C4orf50: variants seen among roughly 807,000 people sequenced by gnomAD.
The protein encoded by C4orf50 is chromosome 4 open reading frame 50.
C4orf50 carries 80 observed loss-of-function variants against 77.2 expected under a neutral mutation model. The ratio of observed to expected loss-of-function variants is 1.04; its 90% CI spans 0.87 to 1.25. C4orf50 has a LOEUF of 1.25. Among genes scored for constraint, C4orf50 ranks in the 50% most tolerant of loss-of-function variants. The probability of loss-of-function intolerance (pLI) is 0.00; values close to 1 mark genes in which losing one functional copy is unlikely to be tolerated. For missense variants in C4orf50, 1,257 were observed against 1,152.9 expected (o/e 1.09, Z -1.31); for synonymous variants, 532 against 465.3 (o/e 1.14, Z -1.84).
chr4:5,905,766 C>A lies in C4orf50; in HGVS notation c.*2475-7578G>T, dbSNP rs1716521570. 6.6e-6 allele frequency among the ~76,000 whole-genome samples: 1 copy of A among 152,182 alleles called. No homozygotes were observed. The highest frequency in any genetic ancestry group is 2.4e-5 in the African/African-American group (1 of 41,444). ...AGAGAGGGTTTCTAGCTTTCAGGAG[C>A]CTCTCAAAGGGGCCAATGGCCAAAA... On this transcript the variant is annotated intron_variant, in intron 7 of 7. Coordinates refer to the C4orf50 transcript ENST00000324058. This position sits in a 1 kb window ranked among gnomAD's most constrained non-coding sequence, Gnocchi z 5.4.
intron 31 of C4orf50, among the ~76,000 whole-genome samples, chr4:5,971,507 C>A (rs1034726670): frequency 6.6e-6 from 1 of 152,124 alleles, no homozygotes; most frequent in Non-Finnish European, 1.5e-5. Context: ...TTTCAAAAGG[C>A]CTGGCAGGGA....
downstream of C4orf50, among the ~76,000 whole-genome samples, chr4:5,955,175 G>A (rs1718898590): frequency 3.3e-5 from 5 of 152,098 alleles, no homozygotes; most frequent in Admixed American, 1.3e-4. This position sits in a 1 kb window ranked among gnomAD's most constrained non-coding sequence, Gnocchi z 5.1. Context: ...AAGCAGTGGC[G>A]GCACTTCCAT....
intron 31 of C4orf50, among the ~76,000 whole-genome samples, chr4:5,973,156 C>T (rs566358897): frequency 5.9e-5 from 9 of 152,320 alleles, no homozygotes; most frequent in South Asian, 4.1e-4. Flanking sequence ...CAGGAGAGCT[C>T]CCTGCTCATG....
chr4:6,005,396 C>T (rs1046540052), intron 25 of C4orf50, among the ~76,000 whole-genome samples: 1 of 150,460 alleles, frequency 6.6e-6, no homozygotes, highest in Non-Finnish European at 1.5e-5. Flanking sequence ...TAAGAGGAAG[C>T]ATGAAACCTT....
chr4:5,979,949 G>GTGCATTTT (rs1720481653), intron 29 of C4orf50, among the ~76,000 whole-genome samples: 1 of 152,066 alleles, frequency 6.6e-6, no homozygotes, highest in African/African-American at 2.4e-5. Context: ...ACTTTTTAAA[G>GTGCATTTT]AAACCACATA....
chr4:5,906,872 C>G (rs1432184546), intron 7 of C4orf50, among the ~76,000 whole-genome samples: 4 of 152,120 alleles, frequency 2.6e-5, no homozygotes, highest in African/African-American at 4.8e-5. Flanking sequence ...GATTTAAATC[C>G]TTGAAGCTTA....
rs1343409145 is a variant in C4orf50, at chr4:5,989,804, C to A, written c.2242G>T (p.Glu748Ter). Residue 748 changes from glutamate (E) to a stop codon, truncating the protein, a stop_gained, in exon 28 of 34, where the codon GAG (glutamate) becomes TAG (stop). Coordinates refer to ENST00000531445, the Ensembl canonical transcript of C4orf50. LOFTEE classifies it high-confidence loss of function. ...CTCTCATGTTCCTGGGAGTCAGGCT[C>A]CTCGGGGGCACCCCTGCACCCCAGA... 6.6e-7 allele frequency: 1 copy of A among 1,506,928 alleles called. No individual in the cohort carries two copies. The highest frequency in any genetic ancestry group is 1.3e-5 in the South Asian group (1 of 78,582). The allele number at this position is 1,506,928 out of a possible 1,614,324, so 93.3% of individuals were successfully genotyped here. A position where few individuals can be genotyped will look rare whatever the true frequency, so the allele number is the denominator to read the frequency against.
Position 5,916,821 on chromosome 4 carries a change from C to T in C4orf50, c.*2475-18633G>A, listed in dbSNP as rs114460935. Among the ~76,000 whole-genome samples the T allele has an allele frequency of 7.4e-3, 1,127 of 152,226 alleles. 10 individuals carry two copies. Among genetic ancestry groups the T allele is most frequent in the African/African-American group, 0.026 (1,070 of 41,530 alleles). ...TCTTCTGCTTAGAGGACAGGAGCCT[C>T]TGCTTGAGGTGGGCACAAGCAGAGT... On this transcript the variant is annotated intron_variant, in intron 7 of 7. Coordinates refer to the C4orf50 transcript ENST00000324058. This position sits in a 1 kb window ranked among gnomAD's most constrained non-coding sequence, Gnocchi z 4.4.
intron 25 of C4orf50, among the ~76,000 whole-genome samples, chr4:6,004,010 G>T: frequency 6.9e-6 from 1 of 145,554 alleles, no homozygotes; most frequent in Non-Finnish European, 1.5e-5. Flanking sequence ...TGATGGTGAT[G>T]ATGTGATGGT....
intron 32 of C4orf50, 95 bp downstream of exon 10, chr4:5,967,319 T>G: frequency 2.1e-6 from 2 of 939,596 alleles, no homozygotes; most frequent in Non-Finnish European, 3.5e-6. Context: ...AATGCGACAG[T>G]GGGCATCTCC....
At chr4:5,986,052 T>C (rs927698525) in intron 28 of C4orf50, among the ~76,000 whole-genome samples, 17 of 152,138 alleles carry the variant, frequency 1.1e-4, no homozygotes, top group African/African-American at 3.9e-4. Context: ...AATACACAAA[T>C]GCACACTCAG....
In C4orf50 at chr4:5,975,495, TTTTTGTTTTGTTTTG is replaced by T. The variant is rs61144018; in HGVS notation, c.3921+389_3921+403del. Among the ~76,000 whole-genome samples, 1,050 of 149,774 alleles carry T rather than the reference TTTTTGTTTTGTTTTG, an allele frequency of 7.0e-3. 9 individuals are homozygous for T. The highest frequency in any genetic ancestry group is 0.024 in the African/African-American group (973 of 40,568). ...GTCTCCTTCATTCTTCTTTGCGGTTTTTTTGTTTTGTTTTGTTTTGTTTTGTTTTGTTTTGAGTCA... is the reference window on the plus strand; with the variant it reads ...GTCTCCTTCATTCTTCTTTGCGGTTTTTTTGTTTTGTTTTGTTTTGAGTCA... On this transcript the variant is annotated intron_variant, in intron 30 of 33. Transcript: ENST00000531445.
chr4:5,942,280 G>A (rs964975049), intron 7 of C4orf50, among the ~76,000 whole-genome samples: 1 of 152,202 alleles, frequency 6.6e-6, no homozygotes, highest in Non-Finnish European at 1.5e-5. Context: ...CTAAGATCAG[G>A]AGCAGGGTGG....
intron 28 of C4orf50, among the ~76,000 whole-genome samples, chr4:5,985,243 AG>A (rs1335967788): frequency 2.6e-5 from 4 of 152,192 alleles, no homozygotes; most frequent in Non-Finnish European, 5.9e-5. Flanking sequence ...CACAGTTCTT[AG>A]GGCAAAAGGA....
downstream of C4orf50, among the ~76,000 whole-genome samples, chr4:5,954,528 G>A (rs755312078): frequency 3.9e-5 from 6 of 152,124 alleles, no homozygotes; most frequent in Admixed American, 6.5e-5. This position sits in a 1 kb window ranked among gnomAD's most constrained non-coding sequence, Gnocchi z 4.7. Context: ...CTGGGAGGAT[G>A]GGGGAGGGGG....
chr4:5,959,400 T>G, exon 34 of C4orf50: 1 of 1,614,118 alleles, frequency 6.2e-7, no homozygotes, highest in African/African-American at 1.3e-5. Flanking sequence ...CAGCGGTGAT[T>G]TATGGACCTG....
At chr4:5,966,255 C>A (rs761049154) in intron 32 of C4orf50, among the ~76,000 whole-genome samples, 8 of 152,112 alleles carry the variant, frequency 5.3e-5, no homozygotes, top group Non-Finnish European at 1.0e-4. Context: ...GCAGGTGGAT[C>A]ACATGAGGTC....
At chr4:5,899,677 G>A (rs886489091) in intron 7 of C4orf50, 1 of 152,188 alleles carries the variant, frequency 6.6e-6, no homozygotes, top group African/African-American at 2.4e-5. Context: ...AACTTAAATA[G>A]CACAGGGAAT....
chr4:5,978,684 G>T (rs941852688), intron 29 of C4orf50, among the ~76,000 whole-genome samples: 1 of 152,178 alleles, frequency 6.6e-6, no homozygotes, highest in African/African-American at 2.4e-5. Flanking sequence ...AAAGCAATTT[G>T]TGATATATAG....
Sources: gnomAD v4.1 joint callset for allele counts (sites outside exome capture counted in the v4.1 genomes callset) on GRCh38, gnomAD v4.1.1 for gene constraint, Gnocchi (gnomAD v3.1) non-coding constraint, MANE v1.5 for transcripts, NCBI Gene and HGNC (gene_info 2026-07-23, HGNC 2026-07-21) for gene names.